Variants in NADK2 observed in about 807,000 individuals in gnomAD.
NADK2 encodes the protein NAD kinase 2, mitochondrial.
Under a neutral mutation model 62.1 loss-of-function variants are expected in NADK2, and 35 were observed. That is an observed-to-expected ratio of 0.56 (90% CI 0.43 to 0.75). The LOEUF is 0.75. Ranked by LOEUF, NADK2 falls within the 30% of genes least tolerant of loss-of-function variation. NADK2 has a pLI of 0.00. For synonymous variants in NADK2, 205 were observed against 207.9 expected (o/e 0.99, Z 0.12); for missense variants, 439 against 561.3 (o/e 0.78, Z 2.20).
chr5:36,208,824 C>T, intron 7 of NADK2: 1 of 633,946 alleles, frequency 1.6e-6, no homozygotes, highest in Non-Finnish European at 2.7e-6. Context: ...CTTAAGTTTT[C>T]AGAGCATAGT....
intron 11 of NADK2, among the ~76,000 whole-genome samples, 155 bp from the exon 12 acceptor site, chr5:36,195,437 A>G (rs1031328283): frequency 3.3e-5 from 5 of 152,212 alleles, no homozygotes; most frequent in African/African-American, 9.6e-5. Flanking sequence ...ATATATGGGT[A>G]TATTATGAAG....
At chr5:36,238,133 C>T (rs996245002) in intron 1 of NADK2, among the ~76,000 whole-genome samples, 5 of 152,178 alleles carry the variant, frequency 3.3e-5, no homozygotes, top group African/African-American at 1.2e-4. Flanking sequence ...ATGTAATATA[C>T]TTATTGCATA....
At chr5:36,238,104 T>G (rs1747974601) in intron 1 of NADK2, among the ~76,000 whole-genome samples, 1 of 152,230 alleles carries the variant, frequency 6.6e-6, no homozygotes, top group African/African-American at 2.4e-5. Context: ...CTCTTTAATT[T>G]GATTAACAAT....
chr5:36,238,619 T>C lies in NADK2; in HGVS notation c.300+2880A>G, dbSNP rs78005719. Reference sequence around the variant, plus strand: ...GTTTCATCTAGAGTTCTAATTTGTGTCAAGGACCCTGTTAATAGCAATTGC... The same window carrying C: ...GTTTCATCTAGAGTTCTAATTTGTGCCAAGGACCCTGTTAATAGCAATTGC... On this transcript the variant is annotated intron_variant, in intron 1 of 11. Coordinates refer to ENST00000381937, the MANE Select transcript of NADK2 (RefSeq NM_001085411.3). Among the ~76,000 whole-genome samples, 562 of 152,320 alleles carry C rather than the reference T, an allele frequency of 3.7e-3. 14 individuals are homozygous for C. The highest frequency in any genetic ancestry group is 0.031 in the Admixed American group (481 of 15,300).
intron 6 of NADK2, among the ~76,000 whole-genome samples, chr5:36,214,465 C>T (rs551446472): frequency 3.3e-5 from 5 of 152,296 alleles, no homozygotes; most frequent in South Asian, 4.1e-4. Context: ...CAGGCGTGAA[C>T]CACCGTGCCC....
chr5:36,202,593 G>A (rs750757507), intron 8 of NADK2, among the ~76,000 whole-genome samples: 73 of 152,116 alleles, frequency 4.8e-4, no homozygotes, highest in Non-Finnish European at 8.7e-4. Context: ...CTTCCTGAAC[G>A]CATAGGTTAT....
intron 6 of NADK2, among the ~76,000 whole-genome samples, chr5:36,217,082 A>G (rs1747073037): frequency 6.6e-6 from 1 of 152,178 alleles, no homozygotes; most frequent in Non-Finnish European, 1.5e-5. Flanking sequence ...GCAAAAATGT[A>G]AAAGTAGCTT....
At chr5:36,197,396 C>T (rs866228921) in intron 11 of NADK2, 145 bp downstream of exon 11, 13 of 1,027,650 alleles carry the variant, frequency 1.3e-5, no homozygotes, top group Middle Eastern at 4.3e-4. Flanking sequence ...AGCATGATAC[C>T]TTGTTACTTT....
At chr5:36,236,087 A>G (rs1747898891) in intron 1 of NADK2, among the ~76,000 whole-genome samples, 1 of 152,104 alleles carries the variant, frequency 6.6e-6, no homozygotes, top group African/African-American at 2.4e-5. Context: ...AATTTATATA[A>G]TTAAAAATAT....
At chr5:36,210,014 T>C (rs1746781240) in intron 7 of NADK2, among the ~76,000 whole-genome samples, 1 of 152,200 alleles carries the variant, frequency 6.6e-6, no homozygotes, top group Non-Finnish European at 1.5e-5. Context: ...AGACAAATTT[T>C]TCTCACTATA....
intron 4 of NADK2, among the ~76,000 whole-genome samples, chr5:36,225,049 G>A (rs1023233801): frequency 6.6e-6 from 1 of 152,070 alleles, no homozygotes; most frequent in African/African-American, 2.4e-5. Context: ...ACACTCACCT[G>A]GGTCAAGAAC....
chr5:36,207,060 A>G (rs1466813685), intron 8 of NADK2, 110 bp downstream of exon 8: 8 of 832,668 alleles, frequency 9.6e-6, no homozygotes, highest in South Asian at 7.4e-5. Flanking sequence ...GCCTACCTAC[A>G]TAACACCACC....
intron 10 of NADK2, among the ~76,000 whole-genome samples, chr5:36,199,393 T>C (rs540971687): frequency 1.2e-4 from 19 of 152,088 alleles, no homozygotes; most frequent in Non-Finnish European, 2.4e-4. Flanking sequence ...GGTTGGTAGA[T>C]GTAACTTTAA....
chr5:36,215,253 C>CAA (rs1164280853), intron 6 of NADK2, among the ~76,000 whole-genome samples: 1 of 152,102 alleles, frequency 6.6e-6, no homozygotes, highest in Non-Finnish European at 1.5e-5. Flanking sequence ...TTTGTGGGTC[C>CAA]TTTCAATTCA....
At chr5:36,200,325 T>C in intron 9 of NADK2, 45 bp from the exon 10 acceptor site, 1 of 1,210,628 alleles carries the variant, frequency 8.3e-7, no homozygotes, top group East Asian at 2.9e-5. Flanking sequence ...TAAATATATA[T>C]ATCTTATATA....
At chr5:36,201,676 AATAT>A (rs1240594986) in intron 8 of NADK2, among the ~76,000 whole-genome samples, 2 of 151,940 alleles carry the variant, frequency 1.3e-5, no homozygotes, top group Admixed American at 1.3e-4. Context: ...AAAAACAAAA[AATAT>A]ATATATAGTA....
At chr5:36,232,187 C>T (rs1188305877) in intron 1 of NADK2, among the ~76,000 whole-genome samples, 1 of 152,126 alleles carries the variant, frequency 6.6e-6, no homozygotes, top group Non-Finnish European at 1.5e-5. Context: ...ATGCTATTAC[C>T]TAAATGGTTT....
At chr5:36,200,311 G>T (rs777211690) in intron 9 of NADK2, 31 bp from the exon 10 acceptor site, 2 of 1,471,412 alleles carry the variant, frequency 1.4e-6, no homozygotes, top group Admixed American at 2.1e-5. Context: ...GAAAATGTAT[G>T]TTATAAATAT....
chr5:36,209,101 A>G (rs1410743928), intron 7 of NADK2, among the ~76,000 whole-genome samples: 3 of 152,162 alleles, frequency 2.0e-5, no homozygotes, highest in Non-Finnish European at 4.4e-5. Flanking sequence ...AATCTTTAAA[A>G]GTGAGTTCTA....
Sources: allele counts gnomAD v4.1 joint callset (sites outside exome capture counted in the v4.1 genomes callset), GRCh38; gene constraint gnomAD v4.1.1; transcripts MANE v1.5; gene names NCBI Gene and HGNC (gene_info 2026-07-23, HGNC 2026-07-21).